TOP3A: variants seen among roughly 807,000 people sequenced by gnomAD.
The protein encoded by TOP3A is DNA topoisomerase 3-alpha.
A neutral mutation model predicts 111.3 loss-of-function variants in TOP3A; 64 were observed. The ratio of observed to expected loss-of-function variants is 0.57; its 90% CI spans 0.47 to 0.71. The LOEUF is 0.71. Among genes scored for constraint, TOP3A ranks in the 30% least tolerant of loss-of-function variants. TOP3A has a pLI of 0.00. For synonymous variants in TOP3A, 484 were observed against 485.1 expected, an observed-to-expected ratio of 1.00 and a Z score of 0.03; for missense variants, 1,104 against 1,285.0, an observed-to-expected ratio of 0.86 and a Z score of 2.15.
intron 1 of TOP3A, among the ~76,000 whole-genome samples, chr17:18,309,383 C>T (rs1204002525): frequency 6.6e-6 from 1 of 152,140 alleles, no homozygotes; most frequent in Non-Finnish European, 1.5e-5. Flanking sequence ...GAATTAAAAA[C>T]GCATTCAAAT....
Position 18,288,018 on chromosome 17 carries a change from A to C in TOP3A, c.1598-2498T>G, listed in dbSNP as rs536850395. Among the ~76,000 whole-genome samples, 3 of 151,984 alleles carry C rather than the reference A, an allele frequency of 2.0e-5. No individual in the cohort carries two copies. In the South Asian group the frequency reaches 6.2e-4, roughly 32 times the overall value. On this transcript the variant is annotated intron_variant, in intron 13 of 18. Transcript: ENST00000321105. The stretch of plus-strand genomic sequence containing the variant: ...CCATCTCAAACAAACAACAAAAAAA[A>C]CAAAAAAACTGACTGTGGTGATAGC...
Position 18,314,747 on chromosome 17 carries a change from C to A in TOP3A, c.32G>T (p.Arg11Leu), listed in dbSNP as rs772324369. Residue 11 changes from arginine to leucine, a missense_variant, in exon 1 of 19, where the codon CGG becomes CTG. Transcript: ENST00000321105. Reference sequence around the variant, plus strand: ...ACGGTCTTCGGGCCGTCGCAGCCACCGGAGCGCGTAGCGGGCGACAGGAAA... The same window carrying A: ...ACGGTCTTCGGGCCGTCGCAGCCACAGGAGCGCGTAGCGGGCGACAGGAAA... MIFPVARYAL[R>L]WLRRPEDRAF... is the part of the protein sequence containing the mutation. The A allele has an allele frequency of 6.4e-7, 1 of 1,568,952 alleles. No individual in the cohort carries two copies. Among genetic ancestry groups the A allele is most frequent in the East Asian group, 2.4e-5 (1 of 41,752 alleles).
At position 18,313,902 on chromosome 17, in the gene TOP3A, T is replaced by C. The variant is rs534307234; in HGVS notation, c.180+697A>G. Reference sequence around the variant, plus strand: ...CATTTCAGGATCTACTTTTGTTATCTGAGATATTTTCCTGGACAGCTCTTT... The same window carrying C: ...CATTTCAGGATCTACTTTTGTTATCCGAGATATTTTCCTGGACAGCTCTTT... On this transcript the variant is annotated intron_variant, in intron 1 of 18. Transcript: ENST00000321105. Among the ~76,000 whole-genome samples the C allele has an allele frequency of 1.3e-4, 20 of 152,330 alleles. No individual in the cohort carries two copies. The South Asian group carries it at 4.1e-3, about 32-fold the overall frequency.
chr17:18,285,199 C>T lies in TOP3A; in HGVS notation c.1820G>A (p.Arg607Lys). The change falls in exon 15 of 19, where the codon AGG becomes AAG. Residue 607 changes from arginine to lysine, a missense_variant. Coordinates refer to ENST00000321105, the MANE Select transcript of TOP3A (RefSeq NM_004618.5). ...CTGCTTGTATTTCTGCACTTGCTGCCTTAGAACCACAAATTTGTCCTTTTT... is the reference window on the plus strand; with the variant it reads ...CTGCTTGTATTTCTGCACTTGCTGCTTTAGAACCACAAATTTGTCCTTTTT... ...DGKKDKFVVL[R>K]QQVQKYKQVF... The T allele has an allele frequency of 6.2e-7, 1 of 1,614,202 alleles. No individual in the cohort carries two copies. The highest frequency in any genetic ancestry group is 1.6e-4 in the Middle Eastern group (1 of 6,062).
rs1201765792 is a variant in TOP3A, at chr17:18,314,635, C to T, written c.144G>A (p.Gly48=). The T allele has an allele frequency of 2.6e-5, 42 of 1,612,512 alleles. No individual in the cohort carries two copies. Among genetic ancestry groups the T allele is most frequent in the Non-Finnish European group, 3.5e-5 (41 of 1,179,354 alleles). Residue 48 remains glycine, a synonymous_variant, in exon 1 of 19, where the codon GGG becomes GGA. Transcript: ENST00000321105. The part of the protein sequence containing the change: ...CVAEKNDAAK[G]IADLLSNGRM... ...GACCGTTTGACAGCAGGTCGGCGATCCCCTTGGCCGCGTCGTTTTTTTCGG... is the reference window on the plus strand; with the variant it reads ...GACCGTTTGACAGCAGGTCGGCGATTCCCTTGGCCGCGTCGTTTTTTTCGG...
At chr17:18,295,085 G>A (rs1410259445) in intron 9 of TOP3A, among the ~76,000 whole-genome samples, 1 of 152,222 alleles carries the variant, frequency 6.6e-6, no homozygotes, top group Non-Finnish European at 1.5e-5. Flanking sequence ...CTGGCCTCAA[G>A]CAATCCTCCC....
chr17:18,293,819 A>G (rs190179544), intron 10 of TOP3A, among the ~76,000 whole-genome samples: 1 of 150,476 alleles, frequency 6.6e-6, no homozygotes, highest in Non-Finnish European at 1.5e-5. Flanking sequence ...CTGGTCTCGA[A>G]CTCCTGACCT....
At chr17:18,298,131 G>A (rs935358720) in intron 9 of TOP3A, among the ~76,000 whole-genome samples, 1 of 151,504 alleles carries the variant, frequency 6.6e-6, no homozygotes, top group African/African-American at 2.4e-5. Context: ...GAGAGGTGAG[G>A]AGACCCTCTG....
At chr17:18,307,887 G>GAGACAGAGTCTCACTCTGAAACTT in intron 3 of TOP3A, among the ~76,000 whole-genome samples, 1 of 143,874 alleles carries the variant, frequency 7.0e-6, no homozygotes, top group South Asian at 2.3e-4. Flanking sequence ...TCCAGCCTGG[G>GAGACAGAGTCTCACTCTGAAACTT]TAACGCAGCG....
intron 2 of TOP3A, chr17:18,308,670 C>CATT (rs1555572478): frequency 2.7e-6 from 1 of 374,390 alleles, no homozygotes; most frequent in Non-Finnish European, 4.8e-6. Flanking sequence ...TGTATATTAG[C>CATT]TTTTTTTTTT....
chr17:18,289,017 G>C (rs557067427), intron 13 of TOP3A, among the ~76,000 whole-genome samples: 1 of 152,004 alleles, frequency 6.6e-6, no homozygotes, highest in Non-Finnish European at 1.5e-5. Flanking sequence ...ATTTTTTGTA[G>C]AAATGTTTTT....
At chr17:18,302,817 G>A in intron 5 of TOP3A, 94 bp from the exon 6 acceptor site, 2 of 1,459,958 alleles carry the variant, frequency 1.4e-6, no homozygotes, top group Non-Finnish European at 9.2e-7. Flanking sequence ...TGAAATAAAG[G>A]CAAACCAGTT....
chr17:18,302,033 C>A, intron 7 of TOP3A, 48 bp from the exon 8 acceptor site: 1 of 1,551,480 alleles, frequency 6.4e-7, no homozygotes, highest in South Asian at 1.1e-5. Context: ...AGAGACATGT[C>A]ATGATATGAC....
Position 18,288,154 on chromosome 17 carries a change from T to TATATATATATAAA in TOP3A, c.1597+2402_1597+2403insTTTATATATATAT, listed in dbSNP as rs1427846577. On this transcript the variant is annotated intron_variant, in intron 13 of 18. Transcript: ENST00000321105. ...AATTATATATATATATATATAAATT[T>TATATATATATAAA]TTTTTTTTTTTTTTTTTAGATGGAG... 4.5e-5 allele frequency among the ~76,000 whole-genome samples: 6 copies of TATATATATATAAA among 132,618 alleles called. 1 individual carries two copies. The highest frequency in any genetic ancestry group is 1.6e-4 in the African/African-American group (5 of 31,352). The allele number at this position is 132,618 out of a possible 152,430, so 87.0% of individuals were successfully genotyped here. A position where few individuals can be genotyped will look rare whatever the true frequency, so the allele number is the denominator to read the frequency against.
chr17:18,291,146 C>T, intron 11 of TOP3A, 119 bp from the exon 12 acceptor site: 1 of 1,019,872 alleles, frequency 9.8e-7, no homozygotes, highest in Non-Finnish European at 1.4e-6. Flanking sequence ...CTCCTCAGGC[C>T]CTGCACTAAC....
At chr17:18,303,441 A>G (rs1981363112) in intron 5 of TOP3A, among the ~76,000 whole-genome samples, 1 of 152,160 alleles carries the variant, frequency 6.6e-6, no homozygotes, top group South Asian at 2.1e-4. Context: ...TTGAGATAAG[A>G]AGGCATCTGT....
chr17:18,306,419 G>A (rs1981583151), intron 4 of TOP3A: 3 of 156,064 alleles, frequency 1.9e-5, no homozygotes, highest in Admixed American at 6.2e-5. Flanking sequence ...GAGTGTGGTG[G>A]TGTGATTACG....
Position 18,302,573 on chromosome 17 carries a change from T to A in TOP3A, c.643+7A>T. The A allele has an allele frequency of 6.2e-7, 1 of 1,613,764 alleles. No homozygotes were observed. The highest frequency in any genetic ancestry group is 8.5e-7 in the Non-Finnish European group (1 of 1,179,742). On this transcript the variant is annotated splice_region_variant and intron_variant, in intron 6 of 18. Coordinates refer to ENST00000321105, the MANE Select transcript of TOP3A (RefSeq NM_004618.5). ...TGGCCATGGGAGAGGTCTGCCTAGCTCCTCACCAATCCTCAGGTCCAGCTC... is the reference window on the plus strand; with the variant it reads ...TGGCCATGGGAGAGGTCTGCCTAGCACCTCACCAATCCTCAGGTCCAGCTC...
chr17:18,287,587 A>G (rs1980182154), intron 13 of TOP3A, among the ~76,000 whole-genome samples: 1 of 152,010 alleles, frequency 6.6e-6, no homozygotes, highest in African/African-American at 2.4e-5. Flanking sequence ...ATGGCAACAC[A>G]TGCCTGTAGT....
Sources: allele counts gnomAD v4.1 joint callset (sites outside exome capture counted in the v4.1 genomes callset), GRCh38; gene constraint gnomAD v4.1.1; transcripts MANE v1.5; gene names NCBI Gene and HGNC (gene_info 2026-07-23, HGNC 2026-07-21).